Variants in DRC8 observed in about 807,000 individuals in gnomAD.
DRC8 encodes the protein dynein regulatory complex protein 8.
chr1:245,049,700 C>T, the DRC8 span, among the ~76,000 whole-genome samples: 5 of 152,174 alleles, frequency 3.3e-5, no homozygotes, highest in South Asian at 6.2e-4. The surrounding 1 kb of genome is among the most constrained non-coding windows in gnomAD (Gnocchi z 4.5). Flanking sequence ...TCAAAGCTCC[C>T]GTGGGGTGGA....
chr1:245,062,058 G>A, the DRC8 span, among the ~76,000 whole-genome samples: 1 of 152,050 alleles, frequency 6.6e-6, no homozygotes, highest in Non-Finnish European at 1.5e-5. Context: ...ATGAGCTGAG[G>A]TCATACCACT....
the DRC8 span, among the ~76,000 whole-genome samples, chr1:245,069,612 C>T: frequency 6.6e-6 from 1 of 152,010 alleles, no homozygotes; most frequent in Non-Finnish European, 1.5e-5. Context: ...CAGTAGTGGC[C>T]GGGGAATGGC....
chr1:245,042,901 A>G, the DRC8 span, among the ~76,000 whole-genome samples: 1 of 152,156 alleles, frequency 6.6e-6, no homozygotes, highest in Non-Finnish European at 1.5e-5. Flanking sequence ...CCTGCCAAGA[A>G]CCAAGCTTCC....
At chr1:245,043,799 G>C in the DRC8 span, 1 of 152,204 alleles carries the variant, frequency 6.6e-6, no homozygotes, top group Non-Finnish European at 1.5e-5. Context: ...GCTGGAGCCA[G>C]ACCGTGCCGA....
chr1:245,038,770 A>C, the DRC8 span, among the ~76,000 whole-genome samples: 1 of 152,122 alleles, frequency 6.6e-6, no homozygotes, highest in Non-Finnish European at 1.5e-5. Context: ...CTTGTTAAGT[A>C]TTTAAAAATA....
chr1:245,036,212 A>G, the DRC8 span, among the ~76,000 whole-genome samples: 1 of 152,244 alleles, frequency 6.6e-6, no homozygotes, highest in Non-Finnish European at 1.5e-5. Flanking sequence ...TAAAATGTGG[A>G]CAAAGTATTT....
chr1:245,081,294 T>G, the DRC8 span, among the ~76,000 whole-genome samples: 1 of 151,762 alleles, frequency 6.6e-6, no homozygotes, highest in Non-Finnish European at 1.5e-5. Context: ...CCTGAGTAGC[T>G]GGGACTACAG....
the DRC8 span, among the ~76,000 whole-genome samples, chr1:244,987,882 T>A: frequency 3.3e-5 from 5 of 152,132 alleles, no homozygotes; most frequent in East Asian, 7.7e-4. Context: ...TAAACAGACA[T>A]CTCCATGTTA....
At chr1:245,087,884 A>T in the DRC8 span, 3 of 600,126 alleles carry the variant, frequency 5.0e-6, no homozygotes, top group African/African-American at 5.9e-5. Flanking sequence ...GGATAATAAT[A>T]ACTTAGTGTA....
At chr1:245,031,671 A>G in the DRC8 span, among the ~76,000 whole-genome samples, 1 of 152,124 alleles carries the variant, frequency 6.6e-6, no homozygotes, top group Non-Finnish European at 1.5e-5. Flanking sequence ...AGTGGCTGTT[A>G]TCCTCACATA....
the DRC8 span, among the ~76,000 whole-genome samples, chr1:245,051,398 C>G: frequency 6.6e-6 from 1 of 152,036 alleles, no homozygotes; most frequent in African/African-American, 2.4e-5. Context: ...CTCAATCCCC[C>G]CCACCCAAAA....
chr1:245,010,271 G>A, the DRC8 span, among the ~76,000 whole-genome samples: 1 of 152,224 alleles, frequency 6.6e-6, no homozygotes, highest in East Asian at 1.9e-4. Flanking sequence ...AAAGATTTGG[G>A]ACTGCTTCCT....
At chr1:244,993,088 AAG>A in the DRC8 span, among the ~76,000 whole-genome samples, 4 of 152,246 alleles carry the variant, frequency 2.6e-5, no homozygotes, top group Non-Finnish European at 1.5e-5. Flanking sequence ...AAGAGACAGA[AAG>A]AGATGACACA....
At chr1:244,970,387 G>A in the DRC8 span, 4 of 1,536,664 alleles carry the variant, frequency 2.6e-6, no homozygotes, top group South Asian at 3.6e-5. Flanking sequence ...GTTATCGTTA[G>A]GCATCTCCCA....
At chr1:245,010,112 C>T in the DRC8 span, among the ~76,000 whole-genome samples, 12 of 152,120 alleles carry the variant, frequency 7.9e-5, no homozygotes, top group Admixed American at 6.5e-5. Flanking sequence ...CTGGCCACCT[C>T]GGCCTCCCAA....
chr1:245,042,484 A>C, the DRC8 span, among the ~76,000 whole-genome samples: 2 of 152,286 alleles, frequency 1.3e-5, no homozygotes, highest in East Asian at 3.9e-4. Context: ...TTTTACCTTC[A>C]TTTCATGGCT....
chr1:245,115,979 C>T, the DRC8 span, among the ~76,000 whole-genome samples: 691 of 151,722 alleles, frequency 4.6e-3, 6 homozygotes, highest in African/African-American at 0.016. Context: ...CTCTGCCTCC[C>T]GGGTTCAAGC....
chr1:245,112,613 A>G, the DRC8 span, among the ~76,000 whole-genome samples: 2 of 152,176 alleles, frequency 1.3e-5, no homozygotes, highest in African/African-American at 4.8e-5. Flanking sequence ...CATTTTAACC[A>G]CTTCCATGCA....
the DRC8 span, chr1:245,122,557 C>T: frequency 6.6e-6 from 1 of 152,400 alleles, no homozygotes; most frequent in African/African-American, 2.4e-5. Context: ...CTCCTGGACT[C>T]AAGGGGTCCT....
Sources: gnomAD v4.1 joint callset for allele counts (sites outside exome capture counted in the v4.1 genomes callset) on GRCh38, gnomAD v4.1.1 for gene constraint, Gnocchi (gnomAD v3.1) non-coding constraint, MANE v1.5 for transcripts, NCBI Gene and HGNC (gene_info 2026-07-23, HGNC 2026-07-21) for gene names.